The following TRPV5 variants were observed in gnomAD, a reference collection of about 807,000 sequenced individuals.
TRPV5 encodes transient receptor potential cation channel subfamily V member 5.
Under a neutral mutation model 74.1 loss-of-function variants are expected in TRPV5, and 66 were observed. That is an observed-to-expected ratio of 0.89 (90% CI 0.73 to 1.09). The LOEUF (loss-of-function observed/expected upper bound fraction) is 1.09, where lower values mean the gene tolerates loss of function less well. TRPV5 is among the 50% of genes least tolerant of loss of function. The pLI, the probability that TRPV5 is intolerant of heterozygous loss-of-function variation, is 0.00. For missense variants in TRPV5, 936 were observed against 930.4 expected (o/e 1.01, Z -0.08); for synonymous variants, 399 against 360.7 (o/e 1.11, Z -1.20).
rs534818998 is a variant in TRPV5, at chr7:142,925,840, C to T, written c.910-99G>A. 8.1e-6 allele frequency: 8 copies of T among 986,268 alleles called. No individual in the cohort carries two copies. The African/African-American group carries it at 1.1e-4, about 14-fold the overall frequency. The allele number at this position is 986,268 out of a possible 1,614,324, so 61.1% of individuals were successfully genotyped here. A position where few individuals can be genotyped will look rare whatever the true frequency, so the allele number is the denominator to read the frequency against. On this transcript the variant is annotated intron_variant, in intron 7 of 14. Transcript: ENST00000265310. Reference sequence around the variant, plus strand: ...GAGGCAGGGCAGCAACCATCACTCACTCAGCTCATCAGTCACTTATTTGAC... The same window carrying T: ...GAGGCAGGGCAGCAACCATCACTCATTCAGCTCATCAGTCACTTATTTGAC...
chr7:142,930,412 C>A lies in TRPV5; in HGVS notation c.163G>T (p.Glu55Ter). 1 of 1,614,190 alleles carries A rather than the reference C, an allele frequency of 6.2e-7. No individual in the cohort carries two copies. The highest frequency in any genetic ancestry group is 1.7e-5 in the Admixed American group (1 of 60,034). The change falls in exon 2 of 15, where the codon GAA becomes TAA. Residue 55 changes from glutamate (E) to a stop codon, truncating the protein, a stop_gained. Coordinates refer to ENST00000265310, the MANE Select transcript of TRPV5 (RefSeq NM_019841.7). LOFTEE classifies it high-confidence loss of function. ...TGCCTAAGAACAGACAGGTCATTTT[C>A]CTTGGATGCTCGAAGCAGTGGAGAC... ...LESPLLRASK[E>*]NDLSVLRQLL...
intron 13 of TRPV5, among the ~76,000 whole-genome samples, chr7:142,911,405 C>T (rs1207460227): frequency 1.3e-5 from 2 of 152,176 alleles, no homozygotes; most frequent in African/African-American, 4.8e-5. Flanking sequence ...GCCAAGAGTC[C>T]TAATTGCTAC....
chr7:142,929,951 C>A (rs1169706309), intron 3 of TRPV5, 107 bp downstream of exon 3: 3 of 1,550,842 alleles, frequency 1.9e-6, no homozygotes, highest in Non-Finnish European at 2.6e-6. Context: ...TCCTCCTGAC[C>A]CTCCATCACC....
In TRPV5 at chr7:142,914,794, T is replaced by G; in HGVS notation, c.1452+87A>C. 2.5e-6 allele frequency: 4 copies of G among 1,608,998 alleles called. No individual in the cohort carries two copies. In the South Asian group the frequency reaches 4.4e-5, roughly 18 times the overall value. ...ACGCTAACAGATCAAGAGGCCCCCA[T>G]AGTTCTACCAGCTCCATTCTACCTC... On this transcript the variant is annotated intron_variant, in intron 11 of 14. Coordinates refer to ENST00000265310, the MANE Select transcript of TRPV5 (RefSeq NM_019841.7).
At chr7:142,930,578 C>T (rs1796072768) in intron 1 of TRPV5, 132 bp from the exon 2 acceptor site, 2 of 724,876 alleles carry the variant, frequency 2.8e-6, no homozygotes, top group Non-Finnish European at 4.8e-6. Flanking sequence ...GAAAGAAGTG[C>T]CTACTGGACT....
At position 142,928,148 on chromosome 7, in the gene TRPV5, G is replaced by C. The variant is rs375090916; in HGVS notation, c.849C>G (p.Ile283Met). 2 of 1,614,030 alleles carry C rather than the reference G, an allele frequency of 1.2e-6. No individual in the cohort carries two copies. The highest frequency in any genetic ancestry group is 1.7e-5 in the Admixed American group (1 of 60,004). The change falls in exon 7 of 15, where the codon ATC becomes ATG. Residue 283 changes from isoleucine to methionine, a missense_variant. Ile to Met is a conservative substitution (Grantham distance 10, BLOSUM62 1). Transcript: ENST00000265310. ...AGGACAGCTCCTCTCCCCAGGAGTC[G>C]ATCTCCGTGAGGTCGTAGAGAATGG... The part of the protein sequence containing the change: ...LTSILYDLTE[I>M]DSWGEELSFL...
chr7:142,908,237 T>C lies in TRPV5; in HGVS notation c.*277A>G. The stretch of plus-strand genomic sequence containing the variant: ...AAGAGAAATGGTCCTGACATTAATC[T>C]AGCATCCCTGCCTCATGTCTTTAGT... On this transcript the variant is annotated 3_prime_UTR_variant, in exon 15 of 15. Coordinates refer to ENST00000265310, the MANE Select transcript of TRPV5 (RefSeq NM_019841.7). The C allele has an allele frequency of 1.9e-6, 1 of 533,714 alleles. No homozygotes were observed. The highest frequency in any genetic ancestry group is 3.1e-5 in the East Asian group (1 of 32,314). The allele number at this position is 533,714 out of a possible 1,614,324, so 33.1% of individuals were successfully genotyped here. A position where few individuals can be genotyped will look rare whatever the true frequency, so the allele number is the denominator to read the frequency against.
At chr7:142,918,695 G>T (rs1182937381) in intron 8 of TRPV5, among the ~76,000 whole-genome samples, 1 of 151,602 alleles carries the variant, frequency 6.6e-6, no homozygotes, top group Non-Finnish European at 1.5e-5. Context: ...GGGATGTGGA[G>T]GTGATGACAG....
rs757103149 is a variant in TRPV5, at chr7:142,930,076, T to C, written c.331A>G (p.Thr111Ala). The C allele has an allele frequency of 2.1e-5, 34 of 1,613,942 alleles. No homozygotes were observed. The highest frequency in any genetic ancestry group is 2.8e-5 in the Non-Finnish European group (33 of 1,179,996). Residue 111 changes from threonine to alanine, a missense_variant, in exon 3 of 15, where the codon ACA becomes GCA. Thr to Ala is a moderately conservative substitution (Grantham distance 58). Transcript: ENST00000265310. ...TCCTTACCTGCAAAAGCCTCACATG[T>C]GGTGGGCTCAAAGACCAGCTCTGGG... ...AAPELVFEPT[T>A]CEAFAGQTAL...
intron 7 of TRPV5, 114 bp downstream of exon 7, chr7:142,927,974 A>T: frequency 5.3e-6 from 7 of 1,318,874 alleles, no homozygotes; most frequent in Non-Finnish European, 6.3e-6. Flanking sequence ...TCTCATCTCC[A>T]CCTATTATAA....
At chr7:142,928,977 C>G in intron 5 of TRPV5, 45 bp downstream of exon 5, 2 of 1,613,032 alleles carry the variant, frequency 1.2e-6, no homozygotes, top group East Asian at 4.5e-5. Flanking sequence ...CCCTGTCCCT[C>G]GCTCCCCACA....
intron 8 of TRPV5, among the ~76,000 whole-genome samples, chr7:142,916,270 G>C (rs1267388555): frequency 6.6e-6 from 1 of 152,166 alleles, no homozygotes; most frequent in Non-Finnish European, 1.5e-5. Flanking sequence ...CTATGAGGAA[G>C]GGTCCCTGCC....
intron 8 of TRPV5, among the ~76,000 whole-genome samples, chr7:142,916,682 T>C (rs1052778508): frequency 1.3e-5 from 2 of 152,144 alleles, no homozygotes; most frequent in Non-Finnish European, 2.9e-5. Context: ...GGTCCCTAGT[T>C]AGCATAAGGA....
chr7:142,912,837 G>GATCTATCTATCT (rs3840678), intron 12 of TRPV5, 87 bp from the exon 13 acceptor site: 19,868 of 734,494 alleles, frequency 0.027, 357 homozygotes, highest in East Asian at 0.053. Context: ...TTCTATCTCT[G>GATCTATCTATCT]ATCTATCTAT....
Position 142,929,028 on chromosome 7 carries a change from A to C in TRPV5, c.580T>G (p.Ser194Ala). The change falls in exon 5 of 15, where the codon TCC becomes GCC. Residue 194 changes from serine (S) to alanine (A), a missense_variant. Coordinates refer to ENST00000265310, the MANE Select transcript of TRPV5 (RefSeq NM_019841.7). ...TCCCCATCCCAGCTCTTACCCAGGG[A>C]GTCCTGGGCCCTGATGTCAGCTCCA... is the stretch of plus-strand genomic sequence containing the variant. The part of the protein sequence containing the change: ...EHGADIRAQD[S>A]LGNTVLHILI... The C allele has an allele frequency of 6.2e-7, 1 of 1,613,924 alleles. No individual in the cohort carries two copies.
At position 142,925,547 on chromosome 7, in the gene TRPV5, G is replaced by A. The variant is rs779321635; in HGVS notation, c.1104C>T (p.Leu368=). The A allele has an allele frequency of 2.5e-6, 4 of 1,614,028 alleles. No homozygotes were observed. In the East Asian group the frequency reaches 8.9e-5, roughly 36 times the overall value. The change falls in exon 8 of 15, where the codon CTC becomes CTT. Residue 368 remains leucine, a synonymous_variant. Coordinates refer to ENST00000265310, the MANE Select transcript of TRPV5 (RefSeq NM_019841.7). Reference sequence around the variant, plus strand: ...GAATCACCTGTAGTAGTTTTTGCTGGAGGATGGTGATGTCTCGAGAATGAG... The same window carrying A: ...GAATCACCTGTAGTAGTTTTTGCTGAAGGATGGTGATGTCTCGAGAATGAG... The part of the protein sequence containing the change: ...NRTHSRDITI[L]QQKLLQEAYE...
chr7:142,915,810 G>A (rs921610014), intron 8 of TRPV5, among the ~76,000 whole-genome samples: 2 of 152,114 alleles, frequency 1.3e-5, no homozygotes, highest in Non-Finnish European at 2.9e-5. Context: ...TAGCAAAATC[G>A]CCTTTTCTAT....
chr7:142,925,598 G>T lies in TRPV5; in HGVS notation c.1053C>A (p.Pro351=). ...ICFTTCCVYR[P]LKFRGGNRTH... ...TGCGGTTGCCACCACGAAACTTAAG[G>T]GGGCGGTAGACGCAGCACGTAGTAA... Residue 351 remains proline (P), a synonymous_variant, in exon 8 of 15, where the codon CCC becomes CCA. Coordinates refer to ENST00000265310, the MANE Select transcript of TRPV5 (RefSeq NM_019841.7). 1 of 1,614,164 alleles carries T rather than the reference G, an allele frequency of 6.2e-7. No homozygotes were observed. Among genetic ancestry groups the T allele is most frequent in the Non-Finnish European group, 8.5e-7 (1 of 1,180,036 alleles).
Position 142,930,344 on chromosome 7 carries a change from C to G in TRPV5, c.226+5G>C. The G allele has an allele frequency of 6.2e-7, 1 of 1,613,866 alleles. No individual in the cohort carries two copies. The highest frequency in any genetic ancestry group is 8.5e-7 in the Non-Finnish European group (1 of 1,179,750). On this transcript the variant is annotated splice_donor_5th_base_variant and intron_variant, in intron 2 of 14. Transcript: ENST00000265310. ...CACCTCCATCCCATTAAATCCAGAT[C>G]CCACCTCTTTGTCGAACGTCACAGG...
Sources: allele counts gnomAD v4.1 joint callset (sites outside exome capture counted in the v4.1 genomes callset), GRCh38; gene constraint gnomAD v4.1.1; transcripts MANE v1.5; gene names NCBI Gene and HGNC (gene_info 2026-07-23, HGNC 2026-07-21).